GRIA4: variants seen among roughly 807,000 people sequenced by gnomAD.
The protein encoded by GRIA4 is glutamate receptor 4.
A neutral mutation model predicts 104.0 loss-of-function variants in GRIA4; 34 were observed. That is an observed-to-expected ratio of 0.33 (90% confidence interval 0.25 to 0.44). GRIA4 has a LOEUF of 0.44. Among genes scored for constraint, GRIA4 ranks in the 20% least tolerant of loss-of-function variants. The probability of loss-of-function intolerance (pLI) is 1.00; values close to 1 mark genes in which losing one functional copy is unlikely to be tolerated. For synonymous variants in GRIA4, 386 were observed against 381.9 expected, an observed-to-expected ratio of 1.01 and a Z score of -0.13; for missense variants, 750 against 1,096.5, an observed-to-expected ratio of 0.68 and a Z score of 4.46.
At chr11:105,696,766 ATT>A (rs72372757) in intron 3 of GRIA4, among the ~76,000 whole-genome samples, 24 of 148,856 alleles carry the variant, frequency 1.6e-4, no homozygotes, top group South Asian at 2.1e-4. Flanking sequence ...TTTCTTTCTG[ATT>A]TTTTTTTTTT....
chr11:105,713,498 T>C (rs1021625018), intron 3 of GRIA4, among the ~76,000 whole-genome samples: 20 of 152,298 alleles, frequency 1.3e-4, no homozygotes, highest in African/African-American at 4.6e-4. Context: ...TGGGATCTTT[T>C]CCAGATTTTT....
intron 5 of GRIA4, among the ~76,000 whole-genome samples, chr11:105,869,500 T>A (rs1232167484): frequency 6.6e-6 from 1 of 152,106 alleles, no homozygotes; most frequent in African/African-American, 2.4e-5. Flanking sequence ...GTTATATTCC[T>A]CATTAGGTAG....
Position 105,887,586 on chromosome 11 carries a change from AT to A in GRIA4, c.726+18del. 8.2e-7 allele frequency: 1 copy of A among 1,213,304 alleles called. No individual in the cohort carries two copies. The allele number at this position is 1,213,304 out of a possible 1,614,324, so 75.2% of individuals were successfully genotyped here. A position where few individuals can be genotyped will look rare whatever the true frequency, so the allele number is the denominator to read the frequency against. ...ATTGCAAACTTGGTAAGAACTTCTT[AT>A]TTTCTACTTTTCATAAGAATTGCTC... On this transcript the variant is annotated intron_variant, in intron 6 of 16. Coordinates refer to ENST00000282499, the MANE Select transcript of GRIA4 (RefSeq NM_000829.4).
rs574230146 is a variant in GRIA4 at position 105,932,048 on chromosome 11, T to C, written c.2047-1674T>C. On this transcript the variant is annotated intron_variant, in intron 13 of 16. Transcript: ENST00000282499. ...ACGTAAGTCTGAATGAGGTCTTCAC[T>C]TTTTTTTTTTTTGGATTCAGATACA... is the stretch of plus-strand genomic sequence containing the variant. Among the ~76,000 whole-genome samples, 20 of 127,152 alleles carry C rather than the reference T, an allele frequency of 1.6e-4. No individual in the cohort carries two copies. In the East Asian group the frequency reaches 1.7e-3, roughly 11 times the overall value. 83.4% of individuals were successfully genotyped at this position (127,152 alleles called of 152,430 possible). A position where few individuals can be genotyped will look rare whatever the true frequency, so the allele number is the denominator to read the frequency against.
At chr11:105,887,755 A>G (rs968182333) in intron 6 of GRIA4, among the ~76,000 whole-genome samples, 183 bp downstream of exon 6, 4 of 152,160 alleles carry the variant, frequency 2.6e-5, no homozygotes, top group African/African-American at 9.6e-5. Context: ...ATTTTTATGC[A>G]GATTAGCTTG....
At chr11:105,912,535 T>C (rs1015183908) in intron 10 of GRIA4, 2 of 257,928 alleles carry the variant, frequency 7.8e-6, no homozygotes, top group Non-Finnish European at 1.2e-5. Context: ...TATATATAAA[T>C]ATATATATAT....
intron 4 of GRIA4, among the ~76,000 whole-genome samples, chr11:105,773,859 A>G (rs1047620776): frequency 6.6e-6 from 1 of 151,388 alleles, no homozygotes; most frequent in Admixed American, 6.6e-5. Flanking sequence ...ATTCTCTAAG[A>G]ATTCAAAGAG....
chr11:105,640,700 T>C (rs1294034054), intron 3 of GRIA4, among the ~76,000 whole-genome samples: 1 of 152,014 alleles, frequency 6.6e-6, no homozygotes, highest in Non-Finnish European at 1.5e-5. Flanking sequence ...ATTTTAAAGG[T>C]TCTTGACATT....
At chr11:105,825,273 G>C (rs920116839) in intron 4 of GRIA4, among the ~76,000 whole-genome samples, 1 of 152,006 alleles carries the variant, frequency 6.6e-6, no homozygotes, top group African/African-American at 2.4e-5. Flanking sequence ...CACTTCATAT[G>C]TACAGCTGCA....
At chr11:105,926,444 A>G (rs1440850793) in intron 12 of GRIA4, among the ~76,000 whole-genome samples, 1 of 152,116 alleles carries the variant, frequency 6.6e-6, no homozygotes, top group African/African-American at 2.4e-5. Context: ...GAATTCAACT[A>G]AGTATTCCCC....
chr11:105,944,456 C>T (rs747437137), intron 14 of GRIA4, among the ~76,000 whole-genome samples: 3 of 151,886 alleles, frequency 2.0e-5, no homozygotes, highest in Non-Finnish European at 4.4e-5. Flanking sequence ...AGCCAATCAC[C>T]CACCATCTCT....
chr11:105,675,742 C>A (rs1952515565), intron 3 of GRIA4, among the ~76,000 whole-genome samples: 1 of 151,686 alleles, frequency 6.6e-6, no homozygotes, highest in Non-Finnish European at 1.5e-5. Flanking sequence ...TTACCAAGTG[C>A]TTTTATTACT....
intron 16 of GRIA4, among the ~76,000 whole-genome samples, chr11:105,976,639 T>C (rs1307598351): frequency 1.3e-5 from 2 of 152,044 alleles, no homozygotes; most frequent in Non-Finnish European, 2.9e-5. Flanking sequence ...ATGACCATAA[T>C]TATGGAAATG....
At chr11:105,909,636 A>G (rs1451875202) in intron 9 of GRIA4, among the ~76,000 whole-genome samples, 1 of 152,104 alleles carries the variant, frequency 6.6e-6, no homozygotes, top group Non-Finnish European at 1.5e-5. Context: ...CATTGAGTAC[A>G]TTGTCTGCCT....
intron 5 of GRIA4, among the ~76,000 whole-genome samples, chr11:105,876,801 T>C (rs1945843175): frequency 6.6e-6 from 1 of 152,242 alleles, no homozygotes; most frequent in Non-Finnish European, 1.5e-5. Flanking sequence ...TTTGAGCTTA[T>C]ATGTGTCTTT....
At chr11:105,956,408 T>C (rs1306632369) in intron 14 of GRIA4, among the ~76,000 whole-genome samples, 1 of 152,172 alleles carries the variant, frequency 6.6e-6, no homozygotes, top group African/African-American at 2.4e-5. Context: ...GGATTCCAGC[T>C]TCATCCATGT....
At chr11:105,729,636 A>C (rs1163168529) in intron 3 of GRIA4, among the ~76,000 whole-genome samples, 1 of 152,202 alleles carries the variant, frequency 6.6e-6, no homozygotes, top group Admixed American at 6.5e-5. Flanking sequence ...TGAATCAAGC[A>C]GCACATTAAA....
At chr11:105,863,297 A>T (rs190842182) in intron 5 of GRIA4, among the ~76,000 whole-genome samples, 1 of 152,238 alleles carries the variant, frequency 6.6e-6, no homozygotes, top group African/African-American at 2.4e-5. Flanking sequence ...AAACAAACAA[A>T]AATGTTGTAT....
intron 9 of GRIA4, among the ~76,000 whole-genome samples, chr11:105,908,483 G>T (rs933261971): frequency 6.6e-6 from 1 of 151,804 alleles, no homozygotes; most frequent in Non-Finnish European, 1.5e-5. Context: ...TTTAGGAACT[G>T]ACCCCTCATG....
Sources: gnomAD v4.1 joint callset for allele counts (sites outside exome capture counted in the v4.1 genomes callset) on GRCh38, gnomAD v4.1.1 for gene constraint, MANE v1.5 for transcripts, NCBI Gene and HGNC (gene_info 2026-07-23, HGNC 2026-07-21) for gene names.